TMEM132B: variants seen among roughly 807,000 people sequenced by gnomAD.
TMEM132B encodes transmembrane protein 132B.
Under a neutral mutation model 90.8 loss-of-function variants are expected in TMEM132B, and 18 were observed. That is an observed-to-expected ratio of 0.20 (90% CI 0.14 to 0.29). The LOEUF is 0.29. Ranked by LOEUF, TMEM132B falls within the 10% of genes least tolerant of loss-of-function variation. TMEM132B has a pLI of 1.00. For missense variants in TMEM132B, 1,096 were observed against 1,326.8 expected (o/e 0.83, Z 2.70); for synonymous variants, 504 against 523.3 (o/e 0.96, Z 0.50).
intron 1 of TMEM132B, among the ~76,000 whole-genome samples, chr12:125,287,120 C>T (rs1565993337): frequency 6.6e-6 from 1 of 151,538 alleles, no homozygotes; most frequent in Non-Finnish European, 1.5e-5. Flanking sequence ...CAGCCTCCCT[C>T]TCCATCTCTC....
At chr12:125,216,808 G>A (rs1873447448) in intron 1 of TMEM132B, among the ~76,000 whole-genome samples, 1 of 152,220 alleles carries the variant, frequency 6.6e-6, no homozygotes, top group South Asian at 2.1e-4. Context: ...AGACTCCACA[G>A]ATGTCTGGAC....
At chr12:125,340,718 T>C (rs1023344275) in intron 1 of TMEM132B, among the ~76,000 whole-genome samples, 1 of 152,140 alleles carries the variant, frequency 6.6e-6, no homozygotes, top group Non-Finnish European at 1.5e-5. Context: ...GTGTACAACG[T>C]TGGGTTTTCT....
At chr12:125,285,059 A>G (rs1472455006) in intron 1 of TMEM132B, among the ~76,000 whole-genome samples, 1 of 152,204 alleles carries the variant, frequency 6.6e-6, no homozygotes, top group Non-Finnish European at 1.5e-5. Context: ...GTATTCTCCC[A>G]GGTTGGAGGG....
At chr12:125,621,424 G>A (rs1452956748) in intron 5 of TMEM132B, among the ~76,000 whole-genome samples, 1 of 152,158 alleles carries the variant, frequency 6.6e-6, no homozygotes. Flanking sequence ...TTAGGTGCAT[G>A]TTGGTGGGAG....
chr12:125,310,335 G>A (rs1177526894), intron 1 of TMEM132B, among the ~76,000 whole-genome samples: 1 of 152,232 alleles, frequency 6.6e-6, no homozygotes, highest in East Asian at 1.9e-4. Flanking sequence ...CCGGACAGAG[G>A]TGGTGGTGTG....
intron 4 of TMEM132B, among the ~76,000 whole-genome samples, chr12:125,522,950 G>A (rs985018437): frequency 4.6e-5 from 7 of 152,148 alleles, no homozygotes; most frequent in Non-Finnish European, 8.8e-5. Flanking sequence ...GCCATGAATC[G>A]ATAACAAGCA....
intron 4 of TMEM132B, among the ~76,000 whole-genome samples, chr12:125,534,676 CA>C (rs1883749664): frequency 1.2e-5 from 1 of 83,226 alleles, no homozygotes; most frequent in Non-Finnish European, 2.7e-5. Flanking sequence ...CTATTACTAC[CA>C]TCACTACTAC....
chr12:125,492,735 A>G lies in TMEM132B; in HGVS notation c.1107-26704A>G, dbSNP rs1199779734. Among the ~76,000 whole-genome samples, 1 of 152,146 alleles carries G rather than the reference A, an allele frequency of 6.6e-6. No homozygotes were observed. The highest frequency in any genetic ancestry group is 1.5e-5 in the Non-Finnish European group (1 of 68,012). Reference sequence around the variant, plus strand: ...ACCCTTGGGAGGGTCTGTCCTGTGAAGAAACCTGCATGTTGTCCACTCAGC... The same window carrying G: ...ACCCTTGGGAGGGTCTGTCCTGTGAGGAAACCTGCATGTTGTCCACTCAGC... On this transcript the variant is annotated intron_variant, in intron 3 of 8. Coordinates refer to ENST00000682704, the MANE Select transcript of TMEM132B (RefSeq NM_001366854.1). This position sits in a 1 kb window ranked among gnomAD's most constrained non-coding sequence, Gnocchi z 5.8.
chr12:125,351,151 A>G (rs1877563583), intron 2 of TMEM132B, among the ~76,000 whole-genome samples: 1 of 152,238 alleles, frequency 6.6e-6, no homozygotes, highest in South Asian at 2.1e-4. Flanking sequence ...AAAGGGCCAC[A>G]TGGTGAAAAG....
At chr12:125,236,029 C>T (rs1232998160) in intron 1 of TMEM132B, among the ~76,000 whole-genome samples, 3 of 151,996 alleles carry the variant, frequency 2.0e-5, no homozygotes, top group African/African-American at 7.3e-5. Context: ...TCTTGAACTC[C>T]TGACCTCAAG....
chr12:125,397,400 A>G (rs1879198461), intron 2 of TMEM132B, among the ~76,000 whole-genome samples: 1 of 152,194 alleles, frequency 6.6e-6, no homozygotes, highest in Non-Finnish European at 1.5e-5. Flanking sequence ...TTGAATCCCA[A>G]AGCCCTGAGA....
At chr12:125,249,072 G>A (rs1468986453) in intron 1 of TMEM132B, among the ~76,000 whole-genome samples, 1 of 152,182 alleles carries the variant, frequency 6.6e-6, no homozygotes, top group Non-Finnish European at 1.5e-5. Context: ...CTCTGGACTT[G>A]TGTTTCTCAT....
chr12:125,551,755 TG>T, intron 4 of TMEM132B, among the ~76,000 whole-genome samples: 1 of 152,178 alleles, frequency 6.6e-6, no homozygotes, highest in East Asian at 1.9e-4. Flanking sequence ...GCTGGTCAGC[TG>T]GGGGCAGTTG....
intron 4 of TMEM132B, among the ~76,000 whole-genome samples, chr12:125,554,758 C>T (rs746267755): frequency 1.3e-4 from 20 of 152,098 alleles, no homozygotes; most frequent in Non-Finnish European, 2.4e-4. Context: ...TCTATAGTGC[C>T]CTGAATGGTG....
chr12:125,190,004 C>T (rs1401923727), intron 1 of TMEM132B, among the ~76,000 whole-genome samples: 6 of 152,116 alleles, frequency 3.9e-5, no homozygotes, highest in Non-Finnish European at 5.9e-5. Context: ...ACCCTGGTAC[C>T]GTGGGTGACG....
At chr12:125,366,786 G>A (rs779016856) in intron 2 of TMEM132B, among the ~76,000 whole-genome samples, 2 of 152,008 alleles carry the variant, frequency 1.3e-5, no homozygotes, top group South Asian at 4.2e-4. Flanking sequence ...TCTGCATCTG[G>A]AATGTCAATT....
chr12:125,373,974 T>C (rs879583530), intron 2 of TMEM132B, among the ~76,000 whole-genome samples: 13 of 152,214 alleles, frequency 8.5e-5, no homozygotes, highest in Non-Finnish European at 1.6e-4. Context: ...TTTCTATTTT[T>C]AGTAGAGACG....
intron 1 of TMEM132B, among the ~76,000 whole-genome samples, chr12:125,266,291 G>A (rs185593244): frequency 2.0e-5 from 3 of 152,092 alleles, no homozygotes; most frequent in Non-Finnish European, 2.9e-5. Context: ...AAGACTAAAC[G>A]GCCAGTACAA....
chr12:125,424,010 C>T (rs1415017711), intron 3 of TMEM132B, among the ~76,000 whole-genome samples: 1 of 152,150 alleles, frequency 6.6e-6, no homozygotes, highest in Non-Finnish European at 1.5e-5. Flanking sequence ...CCAACAATTT[C>T]AAGATTTGTG....
Sources: gnomAD v4.1 joint callset for allele counts (sites outside exome capture counted in the v4.1 genomes callset) on GRCh38, gnomAD v4.1.1 for gene constraint, Gnocchi (gnomAD v3.1) non-coding constraint, MANE v1.5 for transcripts, NCBI Gene and HGNC (gene_info 2026-07-23, HGNC 2026-07-21) for gene names.